The following ITGB6 variants were observed in gnomAD, a reference collection of about 807,000 sequenced individuals.
ITGB6 encodes the protein integrin subunit beta 6.
ITGB6 carries 80 observed loss-of-function variants against 84.5 expected under a neutral mutation model. The observed-to-expected ratio is 0.95, with a 90% confidence interval of 0.79 to 1.14. ITGB6 has a LOEUF of 1.14. Ranked by LOEUF, ITGB6 falls within the 50% of genes most tolerant of loss-of-function variation. The probability of loss-of-function intolerance (pLI) is 0.00; values close to 1 mark genes in which losing one functional copy is unlikely to be tolerated. For missense variants in ITGB6, 1,006 were observed against 968.0 expected (o/e 1.04, Z -0.52); for synonymous variants, 383 against 354.9 (o/e 1.08, Z -0.89).
chr2:160,122,238 TGTAA>T (rs1263948280), intron 12 of ITGB6, among the ~76,000 whole-genome samples: 1 of 152,138 alleles, frequency 6.6e-6, no homozygotes, highest in Non-Finnish European at 1.5e-5. Context: ...AAAAGAATAA[TGTAA>T]GTATTTTAAA....
At chr2:160,139,950 C>T (rs1286891573) in intron 8 of ITGB6, among the ~76,000 whole-genome samples, 1 of 152,012 alleles carries the variant, frequency 6.6e-6, no homozygotes, top group Non-Finnish European at 1.5e-5. Flanking sequence ...ATCAATACGG[C>T]ACTGTAAAAT....
chr2:160,110,433 C>A (rs1290704804), intron 13 of ITGB6, among the ~76,000 whole-genome samples: 1 of 152,036 alleles, frequency 6.6e-6, no homozygotes, highest in African/African-American at 2.4e-5. Flanking sequence ...ACAGCAAATA[C>A]AGCACTCTTT....
chr2:160,128,889 G>A (rs1343151162), intron 10 of ITGB6, among the ~76,000 whole-genome samples: 1 of 152,144 alleles, frequency 6.6e-6, no homozygotes. Context: ...CAAGGGGCCT[G>A]TGGGACATCC....
intron 7 of ITGB6, among the ~76,000 whole-genome samples, chr2:160,165,121 G>A (rs906124309): frequency 1.3e-5 from 2 of 152,124 alleles, no homozygotes; most frequent in Non-Finnish European, 2.9e-5. Context: ...AGAAGTGGTC[G>A]TTTTACTCCT....
At chr2:160,126,354 G>T in intron 11 of ITGB6, 25 bp downstream of exon 11, 1 of 1,598,404 alleles carries the variant, frequency 6.3e-7, no homozygotes, top group Non-Finnish European at 8.6e-7. Flanking sequence ...TCCACATAAG[G>T]AATGGAGAAA....
chr2:160,113,835 G>A (rs550650874), intron 12 of ITGB6, among the ~76,000 whole-genome samples: 6 of 152,174 alleles, frequency 3.9e-5, no homozygotes, highest in Non-Finnish European at 7.4e-5. Flanking sequence ...CATTTTATTT[G>A]GCCTTTACCA....
rs1261776780 is a variant in ITGB6, at chr2:160,173,961, C to T, written c.759+13G>A. 2 of 1,604,164 alleles carry T rather than the reference C, an allele frequency of 1.2e-6. No individual in the cohort carries two copies. Among genetic ancestry groups the T allele is most frequent in the African/African-American group, 2.7e-5 (2 of 74,572 alleles). The stretch of plus-strand genomic sequence containing the variant: ...TATGTTAACAGAGTGAAACAGCACT[C>T]CCTTCAGCATACCTTACACACAGCA... On this transcript the variant is annotated intron_variant, in intron 5 of 14. Coordinates refer to ENST00000283249, the MANE Select transcript of ITGB6 (RefSeq NM_000888.5).
intron 10 of ITGB6, among the ~76,000 whole-genome samples, chr2:160,134,004 G>T (rs1292064691): frequency 6.6e-6 from 1 of 152,122 alleles, no homozygotes; most frequent in Non-Finnish European, 1.5e-5. Context: ...AACTAGAGAA[G>T]CATGAGCAAA....
chr2:160,115,242 C>A (rs1470527588), intron 12 of ITGB6, among the ~76,000 whole-genome samples: 2 of 152,230 alleles, frequency 1.3e-5, no homozygotes, highest in East Asian at 3.8e-4. Flanking sequence ...TGGGAGGCAC[C>A]CCCTAGTAGG....
At chr2:160,134,335 C>T (rs1001947119) in intron 10 of ITGB6, among the ~76,000 whole-genome samples, 1 of 152,190 alleles carries the variant, frequency 6.6e-6, no homozygotes, top group Non-Finnish European at 1.5e-5. Context: ...GACACATACA[C>T]TCTCCCAAGA....
At chr2:160,110,729 T>C (rs1682464244) in intron 13 of ITGB6, among the ~76,000 whole-genome samples, 1 of 152,132 alleles carries the variant, frequency 6.6e-6, no homozygotes, top group African/African-American at 2.4e-5. Flanking sequence ...TTCTCACTTC[T>C]CAGTTTGCCT....
At chr2:160,129,484 A>G (rs148205933) in intron 10 of ITGB6, among the ~76,000 whole-genome samples, 36 of 152,208 alleles carry the variant, frequency 2.4e-4, no homozygotes, top group African/African-American at 7.7e-4. Context: ...AAGACAGTAT[A>G]TAACAGTGTT....
intron 14 of ITGB6, among the ~76,000 whole-genome samples, chr2:160,105,254 G>A (rs1370557688): frequency 6.6e-6 from 1 of 151,728 alleles, no homozygotes; most frequent in African/African-American, 2.4e-5. Context: ...TTTTTTTTCT[G>A]TTTAATGCAT....
At chr2:160,154,530 T>A (rs2105843453) in intron 7 of ITGB6, among the ~76,000 whole-genome samples, 1 of 152,304 alleles carries the variant, frequency 6.6e-6, no homozygotes, top group East Asian at 1.9e-4. Flanking sequence ...CATGTATACC[T>A]ATGTATCAAA....
At chr2:160,180,732 C>T (rs969862094) in intron 4 of ITGB6, among the ~76,000 whole-genome samples, 24 of 152,320 alleles carry the variant, frequency 1.6e-4, no homozygotes, top group Middle Eastern at 3.4e-3. Context: ...CAGTATGCAG[C>T]TCCCAGTGAG....
chr2:160,188,606 C>CTT (rs36050555), intron 4 of ITGB6, among the ~76,000 whole-genome samples: 30 of 143,608 alleles, frequency 2.1e-4, no homozygotes, highest in Admixed American at 1.6e-3. Context: ...TCATTCAATT[C>CTT]TTTTTTTTTT....
intron 10 of ITGB6, among the ~76,000 whole-genome samples, chr2:160,135,976 T>C (rs1369353226): frequency 6.6e-6 from 1 of 152,214 alleles, no homozygotes; most frequent in African/African-American, 2.4e-5. Context: ...GGCAATGCCA[T>C]TCGGGACATA....
chr2:160,157,742 C>G (rs1457239), intron 7 of ITGB6, among the ~76,000 whole-genome samples: 17,331 of 87,810 alleles, frequency 0.2, 2,174 homozygotes, highest in East Asian at 0.51. Flanking sequence ...AGCAAAAGCA[C>G]AGAGGCAAAA....
chr2:160,169,748 A>G (rs143043147), intron 6 of ITGB6, among the ~76,000 whole-genome samples: 69 of 152,286 alleles, frequency 4.5e-4, no homozygotes, highest in African/African-American at 1.6e-3. Flanking sequence ...TGAAACTCCT[A>G]TTGGAATTGG....
Sources: allele counts gnomAD v4.1 joint callset (sites outside exome capture counted in the v4.1 genomes callset), GRCh38; gene constraint gnomAD v4.1.1; transcripts MANE v1.5; gene names NCBI Gene and HGNC (gene_info 2026-07-23, HGNC 2026-07-21).